TBL3: variants seen among roughly 807,000 people sequenced by gnomAD.
The protein encoded by TBL3 is transducin beta like 3.
Under a neutral mutation model 102.7 loss-of-function variants are expected in TBL3, and 71 were observed. That is an observed-to-expected ratio of 0.69 (90% confidence interval 0.57 to 0.84). The LOEUF (loss-of-function observed/expected upper bound fraction) is 0.84, where lower values mean the gene tolerates loss of function less well. Among genes scored for constraint, TBL3 ranks in the 40% least tolerant of loss-of-function variants. TBL3 has a pLI of 0.00. For missense variants in TBL3, 1,188 were observed against 1,098.5 expected (o/e 1.08, Z -1.15); for synonymous variants, 578 against 477.7 (o/e 1.21, Z -2.74).
chr16:1,975,988 C>G (rs2083398206), intron 11 of TBL3, 39 bp downstream of exon 11: 2 of 1,613,998 alleles, frequency 1.2e-6, no homozygotes, highest in African/African-American at 1.3e-5. Flanking sequence ...TGGGAGCCGC[C>G]TCGGTCCCTT....
Position 1,978,169 on chromosome 16 carries a change from G to A in TBL3, c.2083G>A (p.Ala695Thr). The A allele has an allele frequency of 6.2e-7, 1 of 1,612,774 alleles. No individual in the cohort carries two copies. The highest frequency in any genetic ancestry group is 2.2e-5 in the East Asian group (1 of 44,886). Reference sequence around the variant, plus strand: ...CACAGCCATCCGGAGGGACCCTGAGGCCTGCGAGAAGCTGGAAGCCACCAT... The same window carrying A: ...CACAGCCATCCGGAGGGACCCTGAGACCTGCGAGAAGCTGGAAGCCACCAT... Reference protein sequence around the residue: ...VIQAIRRDPEACEKLEATMLR... With the variant: ...VIQAIRRDPETCEKLEATMLR... The change falls in exon 20 of 22, where the codon GCC becomes ACC. Residue 695 changes from alanine (A) to threonine (T), a missense_variant. Physicochemically the swap from Ala to Thr is moderately conservative, Grantham distance 58. Coordinates refer to ENST00000568546, the MANE Select transcript of TBL3 (RefSeq NM_006453.3).
chr16:1,978,636 C>G lies in TBL3; in HGVS notation c.2378C>G (p.Pro793Arg), dbSNP rs772344048. The G allele has an allele frequency of 1.9e-6, 3 of 1,612,652 alleles. No individual in the cohort carries two copies. The highest frequency in any genetic ancestry group is 2.2e-5 in the South Asian group (2 of 91,076). ...FLWHNMKLPV[P>R]AAAPTPWETH... is the part of the protein sequence containing the mutation. ...TGGCACAACATGAAGCTCCCTGTGC[C>G]GGCCGCCGCCCCCACCCCCTGGGAA... The change falls in exon 22 of 22, where the codon CCG becomes CGG. Residue 793 changes from proline (P) to arginine (R), a missense_variant. By Grantham distance (103) the Pro-to-Arg change is moderately radical. Transcript: ENST00000568546.
rs1328741306 is a variant in TBL3, at chr16:1,980,616, G to A, written c.*1931G>A. On this transcript the variant is annotated 3_prime_UTR_variant, in exon 22 of 22. Transcript: ENST00000568546. ...ACTGGTCCCTGGCGCCCCCAGGCAA[G>A]CCACCGCCTTCCCCGCTCCCGTACC... is the stretch of plus-strand genomic sequence containing the variant. The A allele has an allele frequency of 4.4e-6, 7 of 1,592,562 alleles. No individual in the cohort carries two copies. The highest frequency in any genetic ancestry group is 6.0e-6 in the Non-Finnish European group (7 of 1,168,464).
chr16:1,978,978 AG>A lies in TBL3; in HGVS notation c.*296del, dbSNP rs770493166. On this transcript the variant is annotated 3_prime_UTR_variant, in exon 22 of 22. Coordinates refer to ENST00000568546, the MANE Select transcript of TBL3 (RefSeq NM_006453.3). ...TGGCCCCCTCCCATCCCTGCTGGCC[AG>A]GGAGATCCGCCCTCCCCGCTCCTCC... is the stretch of plus-strand genomic sequence containing the variant. The A allele has an allele frequency of 2.9e-6, 4 of 1,382,018 alleles. No individual in the cohort carries two copies. The African/African-American group carries it at 5.9e-5, about 20-fold the overall frequency. 85.6% of individuals were successfully genotyped at this position (1,382,018 alleles called of 1,614,324 possible).
In TBL3 at chr16:1,978,054, C is replaced by A. The variant is rs759463021; in HGVS notation, c.2055C>A (p.Val685=). The change falls in exon 19 of 22, where the codon GTC becomes GTA. Residue 685 remains valine, a synonymous_variant. Coordinates refer to ENST00000568546, the MANE Select transcript of TBL3 (RefSeq NM_006453.3). Reference sequence around the variant, plus strand: ...ATCGGCCCCACACCGTGCTGACTGTCATCCAGGGTCAGTGCCCACCCCGGG... The same window carrying A: ...ATCGGCCCCACACCGTGCTGACTGTAATCCAGGGTCAGTGCCCACCCCGGG... ...SLDRPHTVLT[V]IQAIRRDPEA... is the part of the protein sequence containing the mutation. 3 of 1,603,982 alleles carry A rather than the reference C, an allele frequency of 1.9e-6. No individual in the cohort carries two copies. Among genetic ancestry groups the A allele is most frequent in the Non-Finnish European group, 2.6e-6 (3 of 1,174,630 alleles).
In TBL3 at chr16:1,975,518, C is replaced by T; in HGVS notation, c.806-11C>T. The T allele has an allele frequency of 1.3e-6, 2 of 1,598,076 alleles. No individual in the cohort carries two copies. On this transcript the variant is annotated splice_polypyrimidine_tract_variant and intron_variant, in intron 9 of 21. Transcript: ENST00000568546. ...CTGAGAGTCTCAGCAGCCCTGTCCC[C>T]ACCCACACAGGCACTCTGCGCGTGT...
At position 1,980,804 on chromosome 16, in the gene TBL3, C is replaced by G. The variant is rs757439166; in HGVS notation, c.*2119C>G. The G allele has an allele frequency of 1.3e-6, 2 of 1,501,958 alleles. No homozygotes were observed. The highest frequency in any genetic ancestry group is 2.8e-5 in the African/African-American group (2 of 72,386). The allele number at this position is 1,501,958 out of a possible 1,614,324, so 93.0% of individuals were successfully genotyped here. ...CCTTGAGAGGGCGGGGTCCCTCACC[C>G]GGATGGCAGGGGCTGGGAGCTTCAG... On this transcript the variant is annotated 3_prime_UTR_variant, in exon 22 of 22. Transcript: ENST00000568546.
At position 1,978,830 on chromosome 16, in the gene TBL3, C is replaced by G; in HGVS notation, c.*145C>G. ...CTAGCCAGCCAGAAGGGCACTGGAG[C>G]TGATGGTCTCGGCCCTGCCACGCCC... On this transcript the variant is annotated 3_prime_UTR_variant, in exon 22 of 22. Transcript: ENST00000568546. 1 of 1,233,988 alleles carries G rather than the reference C, an allele frequency of 8.1e-7. No individual in the cohort carries two copies. Among genetic ancestry groups the G allele is most frequent in the Non-Finnish European group, 1.1e-6 (1 of 891,260 alleles). 76.4% of individuals were successfully genotyped at this position (1,233,988 alleles called of 1,614,324 possible). A position where few individuals can be genotyped will look rare whatever the true frequency, so the allele number is the denominator to read the frequency against.
Position 1,975,267 on chromosome 16 carries a change from G to A in TBL3, c.711+5G>A, listed in dbSNP as rs777876358. On this transcript the variant is annotated splice_donor_5th_base_variant and intron_variant, in intron 8 of 21. Transcript: ENST00000568546. ...AGGACCGTGCCTGTGTTTGAGGTGG[G>A]GATGCCTGGAGGCCAGGGCTGGTTG... is the stretch of plus-strand genomic sequence containing the variant. 4 of 1,613,858 alleles carry A rather than the reference G, an allele frequency of 2.5e-6. No homozygotes were observed. Among genetic ancestry groups the A allele is most frequent in the African/African-American group, 2.7e-5 (2 of 74,916 alleles).
In TBL3 at chr16:1,975,760, T is replaced by C. The variant is rs750446955; in HGVS notation, c.988-48T>C. 2.5e-6 allele frequency: 4 copies of C among 1,613,782 alleles called. No homozygotes were observed. In the South Asian group the frequency reaches 4.4e-5, roughly 18 times the overall value. On this transcript the variant is annotated intron_variant, in intron 10 of 21. Transcript: ENST00000568546. ...TGGAGGCTGCGGGCACCAGCCCTCC[T>C]CTTACACAGGTCCTGGCTCACATCT... is the stretch of plus-strand genomic sequence containing the variant.
Position 1,980,373 on chromosome 16 carries a change from G to T in TBL3, c.*1688G>T. ...TTTGGGGCGAGTCAGGCACCTGCCGGGTGGCAGCGCGGGCTCCAGGTCCAG... is the reference window on the plus strand; with the variant it reads ...TTTGGGGCGAGTCAGGCACCTGCCGTGTGGCAGCGCGGGCTCCAGGTCCAG... On this transcript the variant is annotated 3_prime_UTR_variant, in exon 22 of 22. Transcript: ENST00000568546. The T allele has an allele frequency of 6.2e-7, 1 of 1,600,642 alleles. No individual in the cohort carries two copies.
chr16:1,978,586 G>A lies in TBL3; in HGVS notation c.2328G>A (p.Gln776=), dbSNP rs1597052084. The A allele has an allele frequency of 1.9e-6, 3 of 1,612,648 alleles. No individual in the cohort carries two copies. Among genetic ancestry groups the A allele is most frequent in the Non-Finnish European group, 2.5e-6 (3 of 1,179,760 alleles). ...TTCAGCGGCTCAGCAGGACCCTCCAGGCCGCCGCTTTCTTGGACTTCCTGT... is the reference window on the plus strand; with the variant it reads ...TTCAGCGGCTCAGCAGGACCCTCCAAGCCGCCGCTTTCTTGGACTTCCTGT... ...RHFQRLSRTL[Q]AAAFLDFLWH... The change falls in exon 22 of 22, where the codon CAG becomes CAA. Residue 776 remains glutamine, a synonymous_variant. Transcript: ENST00000568546.
In TBL3 at chr16:1,977,529, C is replaced by G. The variant is rs144775911; in HGVS notation, c.1758C>G (p.Leu586=). Residue 586 remains leucine, a synonymous_variant, in exon 17 of 22, where the codon CTC becomes CTG. Transcript: ENST00000568546. ...CCAAACCCAGCGGTTCGGATGGCCT[C>G]GTGAAGCTCTGGACCATCAAGAACA... is the stretch of plus-strand genomic sequence containing the variant. ...TQLLSSGSDG[L]VKLWTIKNNE... The G allele has an allele frequency of 1.5e-5, 24 of 1,605,384 alleles. No homozygotes were observed. The African/African-American group carries it at 2.7e-4, about 18-fold the overall frequency.
intron 1 of TBL3, 151 bp downstream of exon 1, chr16:1,972,356 A>G: frequency 2.2e-6 from 2 of 907,036 alleles, no homozygotes; most frequent in Non-Finnish European, 3.0e-6. Context: ...CTGCGGTGAT[A>G]CTAGGCGGGA....
chr16:1,979,029 T>C lies in TBL3; in HGVS notation c.*344T>C. Reference sequence around the variant, plus strand: ...CCCAGCCCTGGGATGGCGCGGTCCATCCCCTCATCGGGATCCTCGCGCTCA... The same window carrying C: ...CCCAGCCCTGGGATGGCGCGGTCCACCCCCTCATCGGGATCCTCGCGCTCA... On this transcript the variant is annotated 3_prime_UTR_variant, in exon 22 of 22. Transcript: ENST00000568546. 6.5e-7 allele frequency: 1 copy of C among 1,534,166 alleles called. No individual in the cohort carries two copies. Among genetic ancestry groups the C allele is most frequent in the Admixed American group, 2.0e-5 (1 of 49,310 alleles).
At chr16:1,972,392 A>T (rs1296417399) in intron 1 of TBL3, among the ~76,000 whole-genome samples, 187 bp downstream of exon 1, 1 of 152,030 alleles carries the variant, frequency 6.6e-6, no homozygotes, top group Admixed American at 6.5e-5. Flanking sequence ...GCTCTCGGGG[A>T]GGACGGCGAT....
rs367805747 is a variant in TBL3, at chr16:1,977,830, G to A, written c.1958+30G>A. On this transcript the variant is annotated intron_variant, in intron 18 of 21. Transcript: ENST00000568546. ...GGCCAGGGCAGTGGCGCCCCTCCCC[G>A]CATCAGCCCTGCTCTGTGCTGTAGG... The A allele has an allele frequency of 2.4e-5, 37 of 1,561,138 alleles. No individual in the cohort carries two copies. The South Asian group carries it at 2.6e-4, about 11-fold the overall frequency.
chr16:1,977,141 C>T lies in TBL3; in HGVS notation c.1528C>T (p.Gln510Ter), dbSNP rs748442626. 38 of 1,613,080 alleles carry T rather than the reference C, an allele frequency of 2.4e-5. No homozygotes were observed. The highest frequency in any genetic ancestry group is 3.1e-5 in the Non-Finnish European group (37 of 1,180,002). Residue 510 changes from glutamine (Q) to a stop codon, truncating the protein, a stop_gained, in exon 15 of 22, where the codon CAG (glutamine) becomes TAG (stop). Transcript: ENST00000568546. LOFTEE classifies it high-confidence loss of function. ...DRTAKLWALPQCQLLGVFSGH... is the reference protein window; with the variant it reads ...DRTAKLWALP ...CACGGCCAAGCTCTGGGCCCTGCCA[C>T]AGTGCCAGCTGCTGGGTGTCTTCTC...
In TBL3 at chr16:1,974,693, G is replaced by T. The variant is rs376186775; in HGVS notation, c.379+14G>T. ...TGCTAGCCACAGGTAGGGCCCTGCCGTGCAGGTGGGTCGTGGGCACAGATG... is the reference window on the plus strand; with the variant it reads ...TGCTAGCCACAGGTAGGGCCCTGCCTTGCAGGTGGGTCGTGGGCACAGATG... On this transcript the variant is annotated intron_variant, in intron 5 of 21. Coordinates refer to ENST00000568546, the MANE Select transcript of TBL3 (RefSeq NM_006453.3). 6.2e-7 allele frequency: 1 copy of T among 1,610,864 alleles called. No individual in the cohort carries two copies. Among genetic ancestry groups the T allele is most frequent in the African/African-American group, 1.3e-5 (1 of 74,908 alleles).
Sources: allele counts gnomAD v4.1 joint callset (sites outside exome capture counted in the v4.1 genomes callset), GRCh38; gene constraint gnomAD v4.1.1; transcripts MANE v1.5; gene names NCBI Gene and HGNC (gene_info 2026-07-23, HGNC 2026-07-21).